RHCG: variants seen among roughly 807,000 people sequenced by gnomAD.
RHCG encodes Rh family C glycoprotein.
RHCG carries 39 observed loss-of-function variants against 55.3 expected under a neutral mutation model. The observed-to-expected ratio is 0.70, with a 90% CI of 0.55 to 0.92. The LOEUF (loss-of-function observed/expected upper bound fraction) is 0.92. Among genes scored for constraint, RHCG ranks in the 40% least tolerant of loss-of-function variants. The probability of loss-of-function intolerance (pLI) is 0.00; values close to 1 mark genes in which losing one functional copy is unlikely to be tolerated. For synonymous variants in RHCG, 250 were observed against 246.8 expected, an observed-to-expected ratio of 1.01 and a Z score of -0.12; for missense variants, 635 against 627.9, an observed-to-expected ratio of 1.01 and a Z score of -0.12.
intron 4 of RHCG, chr15:89,479,737 C>A: frequency 1.9e-6 from 1 of 526,528 alleles, no homozygotes; most frequent in Non-Finnish European, 3.4e-6. Flanking sequence ...AATGCCCCCA[C>A]CCTGTTCCCA....
chr15:89,493,047 A>G (rs142710055), intron 1 of RHCG, among the ~76,000 whole-genome samples: 1 of 152,316 alleles, frequency 6.6e-6, no homozygotes, highest in Non-Finnish European at 1.5e-5. Context: ...ATGCACCCGA[A>G]TGGGATCTGT....
At chr15:89,476,629 G>T (rs1438409742) in intron 9 of RHCG, 126 bp downstream of exon 9, 2 of 739,776 alleles carry the variant, frequency 2.7e-6, no homozygotes, top group East Asian at 2.5e-5. Flanking sequence ...TGAAGAAGTA[G>T]GGTAATGTAG....
At chr15:89,487,575 C>T (rs1301740509) in intron 1 of RHCG, among the ~76,000 whole-genome samples, 1 of 152,182 alleles carries the variant, frequency 6.6e-6, no homozygotes, top group South Asian at 2.1e-4. Context: ...GATCACATCC[C>T]CATATCCCAC....
chr15:89,477,380 G>A lies in RHCG; in HGVS notation c.1112+137C>T. On this transcript the variant is annotated intron_variant, in intron 7 of 10. Transcript: ENST00000268122. The surrounding 1 kb of genome is among the most constrained non-coding windows in gnomAD (Gnocchi z 4.5). ...CTCTAAGGGACAGAGTTTGGGGAGA[G>A]AGACCCATGAAACAATTGGTCCAGA... The A allele has an allele frequency of 7.1e-7, 1 of 1,401,784 alleles. No individual in the cohort carries two copies. The highest frequency in any genetic ancestry group is 9.7e-7 in the Non-Finnish European group (1 of 1,029,222). The allele number at this position is 1,401,784 out of a possible 1,614,324, so 86.8% of individuals were successfully genotyped here.
intron 1 of RHCG, among the ~76,000 whole-genome samples, chr15:89,495,940 C>G (rs1346225269): frequency 6.6e-6 from 1 of 152,224 alleles, no homozygotes; most frequent in South Asian, 2.1e-4. Context: ...TCCTGGCCTC[C>G]TGGCCCACCA....
intron 1 of RHCG, among the ~76,000 whole-genome samples, chr15:89,495,006 G>A (rs1961540658): frequency 6.6e-6 from 1 of 152,184 alleles, no homozygotes; most frequent in Admixed American, 6.5e-5. Flanking sequence ...GAGAGGAAAG[G>A]TGGACAATGT....
chr15:89,479,744 C>A (rs1395292566), intron 4 of RHCG: 4 of 508,816 alleles, frequency 7.9e-6, no homozygotes, highest in Non-Finnish European at 1.4e-5. Context: ...CCACCCTGTT[C>A]CCACAGCGCC....
intron 1 of RHCG, among the ~76,000 whole-genome samples, chr15:89,492,350 C>T (rs1261091788): frequency 6.6e-6 from 1 of 152,326 alleles, no homozygotes; most frequent in Non-Finnish European, 1.5e-5. Context: ...CCTCTGCAGC[C>T]CTCCCCTCTG....
intron 1 of RHCG, among the ~76,000 whole-genome samples, chr15:89,494,456 A>G (rs566532783): frequency 6.6e-6 from 1 of 152,268 alleles, no homozygotes; most frequent in South Asian, 2.1e-4. Flanking sequence ...GATAAATTGT[A>G]TGATCACACT....
intron 9 of RHCG, among the ~76,000 whole-genome samples, chr15:89,475,507 A>G (rs979600127): frequency 2.0e-5 from 3 of 152,132 alleles, no homozygotes; most frequent in Non-Finnish European, 4.4e-5. Context: ...CGGCCTCCCA[A>G]AGTGCTGGGA....
chr15:89,484,356 A>G (rs1427414706), intron 2 of RHCG, among the ~76,000 whole-genome samples: 1 of 152,212 alleles, frequency 6.6e-6, no homozygotes, highest in Non-Finnish European at 1.5e-5. Context: ...TCCCTGAGCC[A>G]TACAAGACAG....
chr15:89,479,288 G>T (rs1304726536), intron 5 of RHCG, 34 bp downstream of exon 5: 2 of 1,593,950 alleles, frequency 1.3e-6, no homozygotes, highest in Non-Finnish European at 1.7e-6. Context: ...GGCCCAGGCA[G>T]TCAGAGCCAC....
chr15:89,472,214 A>C (rs754811348), intron 10 of RHCG, among the ~76,000 whole-genome samples: 11 of 152,152 alleles, frequency 7.2e-5, no homozygotes, highest in Non-Finnish European at 1.5e-4. Flanking sequence ...CCTTGTAGAG[A>C]TCTTGGGAAG....
chr15:89,494,046 C>G (rs541831697), intron 1 of RHCG, among the ~76,000 whole-genome samples: 3 of 151,858 alleles, frequency 2.0e-5, no homozygotes, highest in East Asian at 1.9e-4. Flanking sequence ...AAACTCAAGG[C>G]CCTCCTTGAT....
At chr15:89,490,218 C>T (rs1596408640) in intron 1 of RHCG, among the ~76,000 whole-genome samples, 1 of 152,364 alleles carries the variant, frequency 6.6e-6, no homozygotes, top group East Asian at 1.9e-4. Flanking sequence ...CTGCCTGCAC[C>T]TTGCCTGCCC....
chr15:89,474,736 GCCTTCCTT>G (rs1961100511), intron 9 of RHCG, among the ~76,000 whole-genome samples: 3 of 146,810 alleles, frequency 2.0e-5, no homozygotes, highest in South Asian at 2.1e-4. Context: ...CTTCCTGCCT[GCCTTCCTT>G]CCTGCCTGCC....
At position 89,476,828 on chromosome 15, in the gene RHCG, C is replaced by T. The variant is rs1377245557; in HGVS notation, c.1238G>A (p.Gly413Glu). The T allele has an allele frequency of 6.2e-7, 1 of 1,613,598 alleles. No homozygotes were observed. Among genetic ancestry groups the T allele is most frequent in the Non-Finnish European group, 8.5e-7 (1 of 1,179,550 alleles). ...AMALMGGIIV[G>E]LILRLPFWGQ... Reference sequence around the variant, plus strand: ...CCAGAATGGTAATCTCAAAATGAGCCCTACAGAAAGTTGGAGATTACAGGA... The same window carrying T: ...CCAGAATGGTAATCTCAAAATGAGCTCTACAGAAAGTTGGAGATTACAGGA... Residue 413 changes from glycine (G) to glutamate (E), a missense_variant and splice_region_variant, in exon 9 of 11, where the codon GGG (glycine) becomes GAG (glutamate). Physicochemically the swap from Gly to Glu is moderately conservative, Grantham distance 98 (BLOSUM62 -2). Coordinates refer to ENST00000268122, the MANE Select transcript of RHCG (RefSeq NM_016321.3).
In RHCG at chr15:89,486,813, G is replaced by C. The variant is rs767585794; in HGVS notation, c.357C>G (p.Val119=). Residue 119 remains valine (V), a synonymous_variant, in exon 2 of 11, where the codon GTC becomes GTG. Transcript: ENST00000268122. ...CCTGCGCTCACTTCTCCACGCCCAC[G>C]ACGATGTAGCGGTCTTGTAAGAAGT... The part of the protein sequence containing the change: ...WFHFLQDRYI[V]VGVENLINAD... 4 of 1,591,706 alleles carry C rather than the reference G, an allele frequency of 2.5e-6. No homozygotes were observed. Among genetic ancestry groups the C allele is most frequent in the Non-Finnish European group, 3.4e-6 (4 of 1,163,458 alleles).
At chr15:89,487,789 C>A (rs552391211) in intron 1 of RHCG, among the ~76,000 whole-genome samples, 1 of 152,354 alleles carries the variant, frequency 6.6e-6, no homozygotes, top group South Asian at 2.1e-4. Flanking sequence ...ACAGTGTCTA[C>A]CCCATAGTAG....
Sources: allele counts gnomAD v4.1 joint callset (sites outside exome capture counted in the v4.1 genomes callset), GRCh38; gene constraint gnomAD v4.1.1; non-coding constraint Gnocchi (gnomAD v3.1); transcripts MANE v1.5; gene names NCBI Gene and HGNC (gene_info 2026-07-23, HGNC 2026-07-21).